The following CPPED1 variants were observed in gnomAD, a reference collection of about 807,000 sequenced individuals.
CPPED1 encodes serine/threonine-protein phosphatase CPPED1.
CPPED1 carries 28 observed loss-of-function variants against 28.0 expected under a neutral mutation model. The observed-to-expected ratio is 1.00, with a 90% CI of 0.74 to 1.37. The LOEUF is 1.37. Among genes scored for constraint, CPPED1 ranks in the 40% most tolerant of loss-of-function variants. CPPED1 has a pLI of 0.00. For missense variants in CPPED1, 504 were observed against 416.5 expected (o/e 1.21, Z -1.83); for synonymous variants, 198 against 180.2 (o/e 1.10, Z -0.79).
At chr16:12,703,554 C>T (rs960491237) in intron 3 of CPPED1, among the ~76,000 whole-genome samples, 2 of 151,926 alleles carry the variant, frequency 1.3e-5, no homozygotes, top group African/African-American at 4.8e-5. Flanking sequence ...TGGTGGTCAG[C>T]GTTTGTAATC....
intron 2 of CPPED1, among the ~76,000 whole-genome samples, chr16:12,755,213 G>A (rs1264639277): frequency 6.6e-6 from 1 of 151,652 alleles, no homozygotes; most frequent in Non-Finnish European, 1.5e-5. Context: ...GAGCATACCA[G>A]TGATGCTCAT....
chr16:12,742,355 G>A (rs9938634), intron 2 of CPPED1, among the ~76,000 whole-genome samples: 4,464 of 152,136 alleles, frequency 0.029, 138 homozygotes, highest in African/African-American at 0.08. Context: ...TTAAACTATC[G>A]GACAAGATGA....
At chr16:12,722,575 A>C (rs1171725348) in intron 2 of CPPED1, among the ~76,000 whole-genome samples, 1 of 152,212 alleles carries the variant, frequency 6.6e-6, no homozygotes, top group African/African-American at 2.4e-5. Flanking sequence ...TGTCTCTACA[A>C]AAATACAAAA....
chr16:12,797,454 G>C (rs2080634329), intron 1 of CPPED1, among the ~76,000 whole-genome samples: 1 of 152,118 alleles, frequency 6.6e-6, no homozygotes, highest in African/African-American at 2.4e-5. Context: ...AGGTGGAGGT[G>C]GGAGGATCGA....
At chr16:12,704,589 C>T (rs749775229) in intron 3 of CPPED1, 35 bp downstream of exon 3, 5 of 1,574,568 alleles carry the variant, frequency 3.2e-6, no homozygotes, top group South Asian at 2.4e-5. Flanking sequence ...TAGACTTGTC[C>T]TTCCTCCCTG....
At chr16:12,744,133 G>A (rs1044325247) in intron 2 of CPPED1, among the ~76,000 whole-genome samples, 13 of 152,070 alleles carry the variant, frequency 8.5e-5, no homozygotes, top group Middle Eastern at 3.4e-3. Context: ...AAAATTAGCC[G>A]GGCGTGGTGG....
Position 12,751,590 on chromosome 16 carries a change from C to T in CPPED1, c.289+29595G>A, listed in dbSNP as rs138923577. ...ACCCTAAAGATGAAGGAGCAGAAAG[C>T]TAGGAAGTCCCGGGTCCCAGGAACC... On this transcript the variant is annotated intron_variant, in intron 2 of 3. Transcript: ENST00000381774. Among the ~76,000 whole-genome samples, 693 of 152,214 alleles carry T rather than the reference C, an allele frequency of 4.6e-3. 2 individuals carry two copies. Among genetic ancestry groups the T allele is most frequent in the African/African-American group, 0.016 (662 of 41,548 alleles).
At chr16:12,697,155 G>C (rs1265964648) in intron 3 of CPPED1, among the ~76,000 whole-genome samples, 2 of 151,982 alleles carry the variant, frequency 1.3e-5, no homozygotes, top group Admixed American at 6.6e-5. Context: ...CTCCCAAGTA[G>C]CTAGGACTAC....
chr16:12,766,539 C>A (rs900914216), intron 2 of CPPED1, among the ~76,000 whole-genome samples: 14 of 152,024 alleles, frequency 9.2e-5, no homozygotes, highest in Non-Finnish European at 2.1e-4. Flanking sequence ...CAATTATCTC[C>A]CACTGGGTCC....
At chr16:12,676,600 A>G (rs912499517) in intron 3 of CPPED1, among the ~76,000 whole-genome samples, 12 of 152,152 alleles carry the variant, frequency 7.9e-5, no homozygotes, top group Non-Finnish European at 1.8e-4. Context: ...TCTGTCCACC[A>G]TCTGAGAGGT....
At position 12,661,790 on chromosome 16, in the gene CPPED1, C is replaced by T. The variant is rs565657941; in HGVS notation, c.*3096G>A. 8.5e-5 allele frequency: 13 copies of T among 152,706 alleles called. No individual in the cohort carries two copies. The highest frequency in any genetic ancestry group is 2.6e-4 in the Admixed American group (4 of 15,304). The allele number at this position is 152,706 out of a possible 1,614,324, so 9.5% of individuals were successfully genotyped here. A position where few individuals can be genotyped will look rare whatever the true frequency, so the allele number is the denominator to read the frequency against. On this transcript the variant is annotated 3_prime_UTR_variant, in exon 4 of 4. Coordinates refer to ENST00000381774, the MANE Select transcript of CPPED1 (RefSeq NM_018340.3). ...CTAAATCTCCCCCAGTAAAAATCCT[C>T]CCCCTGGAACCATCTGCTCTTTGGA...
At chr16:12,799,346 A>G (rs1317861668) in intron 1 of CPPED1, among the ~76,000 whole-genome samples, 1 of 151,698 alleles carries the variant, frequency 6.6e-6, no homozygotes, top group East Asian at 1.9e-4. Flanking sequence ...CTCAGGTTCA[A>G]GTGATTCTCC....
intron 2 of CPPED1, among the ~76,000 whole-genome samples, chr16:12,750,192 G>A (rs975563968): frequency 6.6e-6 from 1 of 152,190 alleles, no homozygotes; most frequent in African/African-American, 2.4e-5. Context: ...TGTGTTTAGA[G>A]GAATCGCTAG....
Position 12,781,313 on chromosome 16 carries a change from C to T in CPPED1, c.161G>A (p.Cys54Tyr), listed in dbSNP as rs769883951. ...GLIKAWSTGD[C>Y]DNGGDEWEQE... Reference sequence around the variant, plus strand: ...TTCCCATTCGTCACCGCCATTGTCACAGTCCCCAGTGGACCAGGCCTTGAT... The same window carrying T: ...TTCCCATTCGTCACCGCCATTGTCATAGTCCCCAGTGGACCAGGCCTTGAT... Residue 54 changes from cysteine (C) to tyrosine (Y), a missense_variant, in exon 2 of 4, where the codon TGT becomes TAT. Transcript: ENST00000381774. The T allele has an allele frequency of 5.0e-6, 8 of 1,614,180 alleles. No individual in the cohort carries two copies. In the South Asian group the frequency reaches 8.8e-5, roughly 18 times the overall value.
chr16:12,770,041 T>G (rs758483731), intron 2 of CPPED1, among the ~76,000 whole-genome samples: 5 of 152,180 alleles, frequency 3.3e-5, no homozygotes, highest in Non-Finnish European at 7.3e-5. Flanking sequence ...AAACGGTTTC[T>G]GTTCAATGGA....
chr16:12,675,120 G>A (rs2079871541), intron 3 of CPPED1, among the ~76,000 whole-genome samples: 1 of 152,218 alleles, frequency 6.6e-6, no homozygotes, highest in South Asian at 2.1e-4. Context: ...GGGAAGCACT[G>A]ATTCACAACT....
chr16:12,753,177 C>A (rs1463441323), intron 2 of CPPED1: 2 of 152,100 alleles, frequency 1.3e-5, no homozygotes, highest in African/African-American at 4.8e-5. Context: ...CTGCTATGGA[C>A]TGAATGTTTG....
At chr16:12,678,480 C>T (rs181962018) in intron 3 of CPPED1, among the ~76,000 whole-genome samples, 185 of 152,210 alleles carry the variant, frequency 1.2e-3, no homozygotes, top group South Asian at 2.5e-3. Flanking sequence ...TTGAATCTGT[C>T]GCTCAATCGG....
At chr16:12,693,813 TATA>T (rs1247916763) in intron 3 of CPPED1, among the ~76,000 whole-genome samples, 1 of 152,374 alleles carries the variant, frequency 6.6e-6, no homozygotes, top group African/African-American at 2.4e-5. Context: ...AAGGAGAAGA[TATA>T]ATATTTTGAC....
Sources: gnomAD v4.1 joint callset for allele counts (sites outside exome capture counted in the v4.1 genomes callset) on GRCh38, gnomAD v4.1.1 for gene constraint, MANE v1.5 for transcripts, NCBI Gene and HGNC (gene_info 2026-07-23, HGNC 2026-07-21) for gene names.